GLRA3: variants seen among roughly 807,000 people sequenced by gnomAD.
GLRA3 encodes the protein glycine receptor subunit alpha-3.
In GLRA3, 44 loss-of-function variants were observed where a neutral mutation model predicts 60.4. That is an observed-to-expected ratio of 0.73 (90% CI 0.57 to 0.94). The LOEUF (loss-of-function observed/expected upper bound fraction) is 0.94. Ranked by LOEUF, GLRA3 falls within the 40% of genes least tolerant of loss-of-function variation. The pLI is 0.00. For synonymous variants in GLRA3, 223 were observed against 192.9 expected (o/e 1.16, Z -1.29); for missense variants, 508 against 564.6 (o/e 0.90, Z 1.02).
intron 7 of GLRA3, among the ~76,000 whole-genome samples, chr4:174,666,670 T>C (rs1043172781): frequency 2.0e-5 from 3 of 150,472 alleles, no homozygotes; most frequent in African/African-American, 7.3e-5. Flanking sequence ...CAAGAAATTA[T>C]GCAGTTTTTC....
intron 4 of GLRA3, among the ~76,000 whole-genome samples, chr4:174,724,078 A>T (rs866731503): frequency 5.3e-5 from 8 of 151,078 alleles, no homozygotes; most frequent in South Asian, 2.1e-4. Context: ...ATATATGTAT[A>T]TATATATATA....
chr4:174,724,162 T>G (rs998874149), intron 4 of GLRA3, among the ~76,000 whole-genome samples: 1 of 151,874 alleles, frequency 6.6e-6, no homozygotes, highest in Non-Finnish European at 1.5e-5. Context: ...GTCTATCTCA[T>G]GCAAGTTATT....
chr4:174,662,460 A>G (rs1477743471), intron 7 of GLRA3, among the ~76,000 whole-genome samples: 1 of 152,136 alleles, frequency 6.6e-6, no homozygotes, highest in African/African-American at 2.4e-5. Flanking sequence ...CCAATGCATA[A>G]TTATCTTAAG....
intron 3 of GLRA3, among the ~76,000 whole-genome samples, chr4:174,759,428 AATG>A (rs1051121514): frequency 4.6e-5 from 7 of 152,044 alleles, no homozygotes; most frequent in African/African-American, 1.7e-4. Flanking sequence ...GCCTTTGTTA[AATG>A]ATATTAATAA....
Position 174,728,693 on chromosome 4 carries a change from G to T in GLRA3, c.273C>A (p.Tyr91Ter). 6.6e-7 allele frequency: 1 copy of T among 1,516,314 alleles called. No homozygotes were observed. The highest frequency in any genetic ancestry group is 2.3e-5 in the East Asian group (1 of 44,316). 93.9% of individuals were successfully genotyped at this position (1,516,314 alleles called of 1,614,324 possible). A position where few individuals can be genotyped will look rare whatever the true frequency, so the allele number is the denominator to read the frequency against. Residue 91 changes from tyrosine (Y) to a stop codon, truncating the protein, a stop_gained, in exon 4 of 10, where the codon TAC becomes TAA. Transcript: ENST00000274093. LOFTEE classifies it high-confidence loss of function. Reference protein sequence around the residue: ...FGSIAETTMDYRVNIFLRQKW... With the variant: ...FGSIAETTMD ...TCTGACGAAGAAAGATATTCACTCT[G>T]TAATCCTATGATAAAATAATGAAAG... is the stretch of plus-strand genomic sequence containing the variant.
chr4:174,772,727 T>A (rs12645474), intron 2 of GLRA3, among the ~76,000 whole-genome samples: 41,024 of 152,084 alleles, frequency 0.27, 6,396 homozygotes, highest in East Asian at 0.53. Context: ...TTTGGAGCCA[T>A]AACAGATTCT....
At chr4:174,724,769 G>A (rs141172777) in intron 4 of GLRA3, among the ~76,000 whole-genome samples, 27 of 151,880 alleles carry the variant, frequency 1.8e-4, no homozygotes, top group East Asian at 5.8e-4. Context: ...CTTTATTCCC[G>A]AAGGATATAT....
In GLRA3 at chr4:174,820,473, T is replaced by C. The variant is rs1429038551; in HGVS notation, c.71+8268A>G. On this transcript the variant is annotated intron_variant, in intron 1 of 9. Coordinates refer to ENST00000274093, the MANE Select transcript of GLRA3 (RefSeq NM_006529.4). ...AGAACTGGGAATGTATTTTGGTCCC[T>C]GCCCTCAAAAACTTCACAGTTTGAG... 3.3e-5 allele frequency among the ~76,000 whole-genome samples: 5 copies of C among 152,298 alleles called. No individual in the cohort carries two copies. The East Asian group carries it at 9.7e-4, about 29-fold the overall frequency.
At chr4:174,820,470 C>A (rs905143307) in intron 1 of GLRA3, among the ~76,000 whole-genome samples, 2 of 152,148 alleles carry the variant, frequency 1.3e-5, no homozygotes, top group Non-Finnish European at 2.9e-5. Context: ...GTATTTTGGT[C>A]CCTGCCCTCA....
At chr4:174,773,326 A>T (rs200848372) in intron 2 of GLRA3, among the ~76,000 whole-genome samples, 4 of 130,320 alleles carry the variant, frequency 3.1e-5, no homozygotes, top group African/African-American at 8.4e-5. Context: ...TTTTTTTTTT[A>T]AAGAAATAGA....
chr4:174,762,275 T>G (rs775517792), intron 3 of GLRA3, among the ~76,000 whole-genome samples: 1 of 152,164 alleles, frequency 6.6e-6, no homozygotes, highest in Admixed American at 6.6e-5. Flanking sequence ...CTTTCTTGCT[T>G]CTGTCATAGT....
chr4:174,642,160 A>T lies in GLRA3; in HGVS notation c.*1626T>A, dbSNP rs1438725061. The T allele has an allele frequency of 2.3e-6, 2 of 859,322 alleles. No homozygotes were observed. The highest frequency in any genetic ancestry group is 2.8e-6 in the Non-Finnish European group (2 of 714,956). The allele number at this position is 859,322 out of a possible 1,614,324, so 53.2% of individuals were successfully genotyped here. A position where few individuals can be genotyped will look rare whatever the true frequency, so the allele number is the denominator to read the frequency against. ...AACTGCTTAACATTTACTATTTTTT[A>T]AAATGTTATTTTAAAAAATTACAAT... On this transcript the variant is annotated 3_prime_UTR_variant, in exon 10 of 10. Coordinates refer to ENST00000274093, the MANE Select transcript of GLRA3 (RefSeq NM_006529.4).
chr4:174,799,222 A>G (rs949686118), intron 1 of GLRA3, among the ~76,000 whole-genome samples: 1 of 152,224 alleles, frequency 6.6e-6, no homozygotes, highest in African/African-American at 2.4e-5. Context: ...CAGATGAAGA[A>G]ACAAAGGTAT....
chr4:174,735,612 ATGCAGTGGTGCCAACTC>A (rs1736753798), intron 3 of GLRA3, among the ~76,000 whole-genome samples: 1 of 152,078 alleles, frequency 6.6e-6, no homozygotes, highest in South Asian at 2.1e-4. Context: ...CCAGGCTGGA[ATGCAGTGGTGCCAACTC>A]TGCTCATGGC....
intron 3 of GLRA3, among the ~76,000 whole-genome samples, chr4:174,744,875 G>C (rs1737176183): frequency 6.6e-6 from 1 of 152,100 alleles, no homozygotes; most frequent in Non-Finnish European, 1.5e-5. Context: ...GTGAGATAAA[G>C]AGACTTTGAA....
chr4:174,719,107 G>A (rs1736042425), intron 4 of GLRA3, among the ~76,000 whole-genome samples: 1 of 151,656 alleles, frequency 6.6e-6, no homozygotes, highest in African/African-American at 2.4e-5. Flanking sequence ...GGGACTACAG[G>A]CGCCCGCCAC....
intron 1 of GLRA3, among the ~76,000 whole-genome samples, chr4:174,794,774 GA>G (rs1373404234): frequency 1.3e-5 from 2 of 152,058 alleles, no homozygotes; most frequent in African/African-American, 4.8e-5. Context: ...AATTTGATCT[GA>G]TATTGGTTCT....
intron 1 of GLRA3, among the ~76,000 whole-genome samples, chr4:174,816,042 G>A (rs1042618910): frequency 1.3e-5 from 2 of 152,174 alleles, no homozygotes; most frequent in African/African-American, 4.8e-5. Flanking sequence ...GATTTGGGTA[G>A]GGACACAGCC....
At chr4:174,789,006 C>A in intron 1 of GLRA3, 63 bp from the exon 2 acceptor site, 1 of 1,072,326 alleles carries the variant, frequency 9.3e-7, no homozygotes, top group Non-Finnish European at 1.3e-6. Context: ...TTGTTACCTA[C>A]AAATATAAAA....
Sources: allele counts gnomAD v4.1 joint callset (sites outside exome capture counted in the v4.1 genomes callset), GRCh38; gene constraint gnomAD v4.1.1; transcripts MANE v1.5; gene names NCBI Gene and HGNC (gene_info 2026-07-23, HGNC 2026-07-21).